The following CALB2 variants were observed in gnomAD, a reference collection of about 807,000 sequenced individuals.
CALB2 encodes calretinin.
In CALB2, 34 loss-of-function variants were observed where a neutral mutation model predicts 45.9. The observed-to-expected ratio is 0.74, with a 90% CI of 0.56 to 0.99. The LOEUF is 0.99. Among genes scored for constraint, CALB2 ranks in the 50% least tolerant of loss-of-function variants. CALB2 has a pLI of 0.00. For synonymous variants in CALB2, 142 were observed against 129.6 expected (o/e 1.10, Z -0.65); for missense variants, 344 against 339.3 (o/e 1.01, Z -0.11).
rs1455260204 is a variant in CALB2 at position 71,384,837 on chromosome 16, G to A, written c.627+1G>A. The A allele has an allele frequency of 6.2e-7, 1 of 1,612,316 alleles. No homozygotes were observed. Among genetic ancestry groups the A allele is most frequent in the Non-Finnish European group, 8.5e-7 (1 of 1,178,868 alleles). Reference sequence around the variant, plus strand: ...CGCGATCTTCACATTTTACGACAAGGTAAGAGAGGGAGTTGGCATGGCAGG... The same window carrying A: ...CGCGATCTTCACATTTTACGACAAGATAAGAGAGGGAGTTGGCATGGCAGG... On this transcript the variant is annotated splice_donor_variant, in intron 9 of 10. Transcript: ENST00000302628. LOFTEE classifies it high-confidence loss of function.
chr16:71,368,136 A>G (rs2042308239), intron 1 of CALB2, among the ~76,000 whole-genome samples: 1 of 152,010 alleles, frequency 6.6e-6, no homozygotes, highest in Non-Finnish European at 1.5e-5. Context: ...CCCCTGCCCC[A>G]CCCACACCCC....
In CALB2 at chr16:71,372,217, A is replaced by G. The variant is rs1276435601; in HGVS notation, c.159A>G (p.Lys53=). 6.2e-7 allele frequency: 1 copy of G among 1,612,664 alleles called. No homozygotes were observed. The highest frequency in any genetic ancestry group is 1.3e-5 in the African/African-American group (1 of 74,888). ...TCCAAGAGCTGGAGAAGGCAAGGAA[A>G]GGCTCTGGCATGGTAAGCCCAGCCC... ...NFFQELEKAR[K]GSGMMSKSDN... is the part of the protein sequence containing the mutation. Residue 53 remains lysine, a synonymous_variant, in exon 2 of 11, where the codon AAA becomes AAG. Coordinates refer to ENST00000302628, the MANE Select transcript of CALB2 (RefSeq NM_001740.5).
rs1390472780 is a variant in CALB2 at position 71,374,754 on chromosome 16, A to C, written c.181A>C (p.Ser61Arg). 2 of 1,611,328 alleles carry C rather than the reference A, an allele frequency of 1.2e-6. No homozygotes were observed. Among genetic ancestry groups the C allele is most frequent in the Non-Finnish European group, 1.7e-6 (2 of 1,177,710 alleles). ...CTTTGTCTTTCCACAGATGTCAAAG[A>C]GTGACAACTTTGGAGAAAAGATGAA... ...ARKGSGMMSK[S>R]DNFGEKMKEF... Residue 61 changes from serine (S) to arginine (R), a missense_variant, in exon 3 of 11, where the codon AGT (serine) becomes CGT (arginine). Ser to Arg is a moderately radical substitution (Grantham distance 110, BLOSUM62 -1). This residue lies in a region of CALB2 where 77 missense variants were observed against 80.5 expected (regional missense o/e 0.96). Transcript: ENST00000302628.
chr16:71,374,881 GT>G, intron 3 of CALB2, 47 bp downstream of exon 3: 5 of 1,340,348 alleles, frequency 3.7e-6, no homozygotes, highest in Non-Finnish European at 4.3e-6. Flanking sequence ...GGGGCCCTGG[GT>G]CCCTGTGCCT....
chr16:71,385,494 G>A, intron 9 of CALB2, 83 bp from the exon 10 acceptor site: 1 of 1,197,202 alleles, frequency 8.4e-7, no homozygotes, highest in South Asian at 1.3e-5. Context: ...GGAGAGGCTA[G>A]ACTCTTAGAC....
At chr16:71,383,241 T>C (rs543667744) in intron 5 of CALB2, 126 bp from the exon 6 acceptor site, 7 of 878,206 alleles carry the variant, frequency 8.0e-6, no homozygotes, top group East Asian at 2.6e-5. Context: ...CCCTGAGTCA[T>C]AGAACTGGTA....
Sources: gnomAD v4.1 joint callset for allele counts (sites outside exome capture counted in the v4.1 genomes callset) on GRCh38, gnomAD v4.1.1 for gene constraint, gnomAD v4.1.1 regional missense constraint, MANE v1.5 for transcripts, NCBI Gene and HGNC (gene_info 2026-07-23, HGNC 2026-07-21) for gene names.